The following NTN4 variants were observed in gnomAD, a reference collection of about 807,000 sequenced individuals.
The protein encoded by NTN4 is netrin-4.
A neutral mutation model predicts 73.6 loss-of-function variants in NTN4; 32 were observed. The ratio of observed to expected loss-of-function variants is 0.44; its 90% confidence interval spans 0.33 to 0.58. The LOEUF (loss-of-function observed/expected upper bound fraction) is 0.58, where lower values mean the gene tolerates loss of function less well. NTN4 is among the 20% of genes least tolerant of loss of function. NTN4 has a pLI of 0.04. For missense variants in NTN4, 654 were observed against 798.3 expected, an observed-to-expected ratio of 0.82 and a Z score of 2.18; for synonymous variants, 258 against 287.5, an observed-to-expected ratio of 0.90 and a Z score of 1.04.
At position 95,787,257 on chromosome 12, in the gene NTN4, G is replaced by A; in HGVS notation, c.267C>T (p.His89=). Residue 89 remains histidine (H), a synonymous_variant, in exon 2 of 10, where the codon CAC becomes CAT. Transcript: ENST00000343702. ...KCNAAYPHLA[H]LPSAMADSSF... ...ATGAGTCTGCCATGGCAGATGGCAGGTGAGCCAGGTGAGGATAGGCAGCAT... is the reference window on the plus strand; with the variant it reads ...ATGAGTCTGCCATGGCAGATGGCAGATGAGCCAGGTGAGGATAGGCAGCAT... The A allele has an allele frequency of 6.2e-7, 1 of 1,614,208 alleles. No individual in the cohort carries two copies. The highest frequency in any genetic ancestry group is 1.7e-5 in the Admixed American group (1 of 60,026).
At chr12:95,683,855 G>A (rs565013476) in intron 5 of NTN4, 144 bp from the exon 6 acceptor site, 27 of 616,766 alleles carry the variant, frequency 4.4e-5, no homozygotes, top group Non-Finnish European at 7.5e-5. Flanking sequence ...TGTATGCTCA[G>A]AGAATGAAAG....
intron 5 of NTN4, among the ~76,000 whole-genome samples, chr12:95,703,908 A>G (rs750473435): frequency 8.5e-5 from 13 of 152,208 alleles, no homozygotes; most frequent in Non-Finnish European, 1.6e-4. Context: ...GTTGAAAAGC[A>G]TTCAAGAGCA....
chr12:95,736,092 C>T (rs958679436), intron 3 of NTN4, among the ~76,000 whole-genome samples: 2 of 152,022 alleles, frequency 1.3e-5, no homozygotes, highest in Non-Finnish European at 2.9e-5. Context: ...GCGCCCACCA[C>T]TATGCCCAGC....
At chr12:95,670,510 A>C in intron 7 of NTN4, 1 of 162,216 alleles carries the variant, frequency 6.2e-6, no homozygotes, top group Non-Finnish European at 1.3e-5. Context: ...ACCACCACAA[A>C]AGTGAAATTA....
chr12:95,708,005 A>T (rs566776145), intron 5 of NTN4, among the ~76,000 whole-genome samples: 8 of 152,314 alleles, frequency 5.3e-5, no homozygotes, highest in Non-Finnish European at 1.0e-4. Flanking sequence ...CATATTCTGT[A>T]CAAAATGGTG....
chr12:95,731,203 G>A (rs770963239), intron 3 of NTN4, among the ~76,000 whole-genome samples: 8 of 152,166 alleles, frequency 5.3e-5, no homozygotes, highest in Non-Finnish European at 1.2e-4. Context: ...ATCCTTGTAA[G>A]AGCAGTCATA....
intron 5 of NTN4, among the ~76,000 whole-genome samples, chr12:95,689,687 C>T (rs1201478803): frequency 6.6e-6 from 1 of 152,222 alleles, no homozygotes; most frequent in Non-Finnish European, 1.5e-5. Context: ...CCCCTTCCCA[C>T]CTCACCAAAT....
chr12:95,714,346 G>A (rs77414507), intron 3 of NTN4, among the ~76,000 whole-genome samples: 1,670 of 152,266 alleles, frequency 0.011, 32 homozygotes, highest in African/African-American at 0.038. Context: ...GGTTTGCAAA[G>A]TAGCTCAGAA....
intron 2 of NTN4, among the ~76,000 whole-genome samples, chr12:95,759,404 TTAA>T (rs2078969007): frequency 6.6e-6 from 1 of 152,156 alleles, no homozygotes; most frequent in African/African-American, 2.4e-5. Context: ...CTGTGATTCA[TTAA>T]TAGTTTCTAT....
chr12:95,703,669 A>G (rs2078502966), intron 5 of NTN4, among the ~76,000 whole-genome samples: 2 of 152,236 alleles, frequency 1.3e-5, no homozygotes, highest in South Asian at 4.1e-4. Flanking sequence ...CATTTCATAG[A>G]ATTAGAACTC....
chr12:95,694,416 A>AG (rs1186652060), intron 5 of NTN4, among the ~76,000 whole-genome samples: 1 of 151,802 alleles, frequency 6.6e-6, no homozygotes, highest in African/African-American at 2.4e-5. Flanking sequence ...AGAATTTCTG[A>AG]GGGGGATTTT....
At chr12:95,670,310 TAG>T (rs2078217640) in intron 7 of NTN4, among the ~76,000 whole-genome samples, 164 bp from the exon 8 acceptor site, 1 of 152,178 alleles carries the variant, frequency 6.6e-6, no homozygotes, top group Admixed American at 6.5e-5. Flanking sequence ...TCAAAAGAAG[TAG>T]AGTCTCTTTC....
At chr12:95,751,572 C>G (rs12303706) in intron 2 of NTN4, among the ~76,000 whole-genome samples, 1,978 of 152,020 alleles carry the variant, frequency 0.013, 41 homozygotes, top group African/African-American at 0.045. Flanking sequence ...CTGGCAGCCA[C>G]TCCCAGAGCC....
intron 2 of NTN4, among the ~76,000 whole-genome samples, chr12:95,779,679 A>T: frequency 6.6e-6 from 1 of 152,108 alleles, no homozygotes; most frequent in Non-Finnish European, 1.5e-5. Context: ...ATGGAAGAAC[A>T]TTCCATGCTC....
intron 5 of NTN4, among the ~76,000 whole-genome samples, chr12:95,696,352 C>A (rs2078442165): frequency 6.6e-6 from 1 of 152,096 alleles, no homozygotes; most frequent in East Asian, 1.9e-4. Flanking sequence ...ATGAGAGGCA[C>A]TGAATAAATT....
At position 95,790,376 on chromosome 12, in the gene NTN4, G is replaced by A. The variant is rs1257521284; in HGVS notation, c.-67C>T. On this transcript the variant is annotated 5_prime_UTR_variant, in exon 1 of 10. Coordinates refer to ENST00000343702, the MANE Select transcript of NTN4 (RefSeq NM_021229.4). The surrounding 1 kb of genome is among the most constrained non-coding windows in gnomAD (Gnocchi z 6.5). The stretch of plus-strand genomic sequence containing the variant: ...GAGGGAGCCGAGACCTCTGGGCTGC[G>A]GGATGAAGCGCCGCCGTCCTCGGGA... 2 of 1,326,356 alleles carry A rather than the reference G, an allele frequency of 1.5e-6. No homozygotes were observed. Among genetic ancestry groups the A allele is most frequent in the Non-Finnish European group, 2.0e-6 (2 of 987,600 alleles). 82.2% of individuals were successfully genotyped at this position (1,326,356 alleles called of 1,614,324 possible). A position where few individuals can be genotyped will look rare whatever the true frequency, so the allele number is the denominator to read the frequency against.
chr12:95,726,645 G>A (rs982627510), intron 3 of NTN4, among the ~76,000 whole-genome samples: 2 of 152,022 alleles, frequency 1.3e-5, no homozygotes, highest in Non-Finnish European at 2.9e-5. Context: ...AGAATTGCTG[G>A]GTCATATGGC....
chr12:95,700,292 G>A (rs191862138), intron 5 of NTN4, among the ~76,000 whole-genome samples: 49 of 151,806 alleles, frequency 3.2e-4, no homozygotes, highest in Non-Finnish European at 4.9e-4. Flanking sequence ...GAGAGCTTAT[G>A]CTAGAGACAA....
At chr12:95,707,812 T>C (rs540052297) in intron 5 of NTN4, among the ~76,000 whole-genome samples, 2 of 152,230 alleles carry the variant, frequency 1.3e-5, no homozygotes, top group Non-Finnish European at 2.9e-5. Context: ...GGAAATGCTA[T>C]ATAACTGTAT....
Sources: gnomAD v4.1 joint callset for allele counts (sites outside exome capture counted in the v4.1 genomes callset) on GRCh38, gnomAD v4.1.1 for gene constraint, Gnocchi (gnomAD v3.1) non-coding constraint, MANE v1.5 for transcripts, NCBI Gene and HGNC (gene_info 2026-07-23, HGNC 2026-07-21) for gene names.